The following CCSER1 variants were observed in gnomAD, a reference collection of about 807,000 sequenced individuals.
CCSER1 encodes serine-rich coiled-coil domain-containing protein 1.
Under a neutral mutation model 82.0 loss-of-function variants are expected in CCSER1, and 41 were observed. That is an observed-to-expected ratio of 0.50 (90% CI 0.39 to 0.65). CCSER1 has a LOEUF of 0.65. Among genes scored for constraint, CCSER1 ranks in the 30% least tolerant of loss-of-function variants. CCSER1 has a pLI of 0.00. For missense variants in CCSER1, 1,119 were observed against 1,064.2 expected, an observed-to-expected ratio of 1.05 and a Z score of -0.72; for synonymous variants, 414 against 383.9, an observed-to-expected ratio of 1.08 and a Z score of -0.92.
chr4:90,128,317 G>A (rs1722177555), intron 1 of CCSER1, among the ~76,000 whole-genome samples: 1 of 152,076 alleles, frequency 6.6e-6, no homozygotes, highest in Admixed American at 6.5e-5. Flanking sequence ...GGGAGCCAGG[G>A]GCTCCCGGAG....
chr4:90,866,496 T>C (rs980420633), intron 8 of CCSER1, among the ~76,000 whole-genome samples: 9 of 152,064 alleles, frequency 5.9e-5, no homozygotes, highest in Non-Finnish European at 1.2e-4. Context: ...AAACTAATTA[T>C]TGATCTTCTT....
At chr4:91,002,951 T>C (rs1267599316) in intron 9 of CCSER1, among the ~76,000 whole-genome samples, 1 of 152,182 alleles carries the variant, frequency 6.6e-6, no homozygotes, top group African/African-American at 2.4e-5. Flanking sequence ...TCCCTTGATG[T>C]AGTACTCTCT....
rs190445322 is a variant in CCSER1, at chr4:90,521,766, G to A, written c.1724+53412G>A. ...ACTTATTTTCTTTATGTTTTCTCCT[G>A]CAAGTAGGATTTTTCTTTTCACATA... On this transcript the variant is annotated intron_variant, in intron 5 of 10. Coordinates refer to ENST00000509176, the MANE Select transcript of CCSER1 (RefSeq NM_001145065.2). Among the ~76,000 whole-genome samples the A allele has an allele frequency of 9.1e-4, 138 of 151,888 alleles. 1 individual carries two copies. In the East Asian group the frequency reaches 0.014, roughly 16 times the overall value.
At chr4:90,346,256 G>A (rs1417461824) in intron 3 of CCSER1, among the ~76,000 whole-genome samples, 2 of 152,018 alleles carry the variant, frequency 1.3e-5, no homozygotes, top group Non-Finnish European at 2.9e-5. Flanking sequence ...TAGGCAAAAT[G>A]TGATCAAAAC....
intron 8 of CCSER1, among the ~76,000 whole-genome samples, chr4:90,841,923 G>A (rs1762622401): frequency 6.6e-6 from 1 of 152,054 alleles, no homozygotes; most frequent in South Asian, 2.1e-4. Context: ...TGAGAATTTG[G>A]GCATGACTCA....
intron 10 of CCSER1, among the ~76,000 whole-genome samples, chr4:91,297,377 G>GTGTA (rs1242009199): frequency 6.8e-5 from 7 of 103,516 alleles, no homozygotes; most frequent in African/African-American, 2.9e-4. Context: ...GTGTGTGTGT[G>GTGTA]TGTGTGTATG....
chr4:91,538,710 T>TATATATATAATATATATATATATATAA (rs1560747576), intron 10 of CCSER1, among the ~76,000 whole-genome samples: 4 of 28,342 alleles, frequency 1.4e-4, no homozygotes, highest in African/African-American at 1.1e-3. Context: ...TATATATATA[T>TATATATATAATATATATATATATATAA]AATATCTCAG....
intron 8 of CCSER1, among the ~76,000 whole-genome samples, chr4:90,854,267 A>G (rs1764209461): frequency 6.6e-6 from 1 of 152,200 alleles, no homozygotes; most frequent in Non-Finnish European, 1.5e-5. Flanking sequence ...AAGGTAAACC[A>G]GTTTGGCTGG....
At chr4:91,293,125 CA>C (rs373997411) in intron 10 of CCSER1, among the ~76,000 whole-genome samples, 38 of 151,666 alleles carry the variant, frequency 2.5e-4, no homozygotes, top group African/African-American at 8.4e-4. Context: ...AATCTGGAGA[CA>C]AAAAAAATGC....
At chr4:90,534,588 A>G (rs1037858859) in intron 5 of CCSER1, among the ~76,000 whole-genome samples, 3 of 152,196 alleles carry the variant, frequency 2.0e-5, no homozygotes, top group Admixed American at 1.3e-4. Flanking sequence ...TAAAGCAAAT[A>G]TTAAATATTT....
At chr4:91,408,532 C>G (rs945958940) in intron 10 of CCSER1, among the ~76,000 whole-genome samples, 7 of 152,150 alleles carry the variant, frequency 4.6e-5, no homozygotes, top group African/African-American at 1.7e-4. Flanking sequence ...AATCCTCAGA[C>G]TGAAAATTCA....
chr4:91,218,487 G>C (rs548707875), intron 10 of CCSER1, among the ~76,000 whole-genome samples: 101 of 152,354 alleles, frequency 6.6e-4, no homozygotes, highest in African/African-American at 2.4e-3. Flanking sequence ...GGGAGGTGCC[G>C]AGAGCAAGTG....
chr4:90,589,935 G>A (rs910027190), intron 5 of CCSER1, among the ~76,000 whole-genome samples: 15 of 152,046 alleles, frequency 9.9e-5, no homozygotes, highest in African/African-American at 3.4e-4. Context: ...TTACAAAGTG[G>A]CCAGATTGTA....
intron 5 of CCSER1, among the ~76,000 whole-genome samples, chr4:90,486,568 C>G (rs895713940): frequency 6.6e-6 from 1 of 152,156 alleles, no homozygotes; most frequent in African/African-American, 2.4e-5. Flanking sequence ...CATGTCTGGT[C>G]TAAAACTTCA....
chr4:90,995,012 T>C (rs969980055), intron 9 of CCSER1, among the ~76,000 whole-genome samples: 5 of 152,194 alleles, frequency 3.3e-5, no homozygotes, highest in Non-Finnish European at 7.3e-5. Context: ...GCATCTGACA[T>C]GCTTTCCATT....
chr4:90,937,953 TA>T (rs895039752), intron 9 of CCSER1, among the ~76,000 whole-genome samples: 6 of 152,154 alleles, frequency 3.9e-5, no homozygotes, highest in African/African-American at 1.4e-4. Flanking sequence ...ACCATCTTTG[TA>T]GTATGGCTCA....
intron 5 of CCSER1, among the ~76,000 whole-genome samples, chr4:90,531,625 G>A (rs1774545568): frequency 6.6e-6 from 1 of 152,072 alleles, no homozygotes; most frequent in Admixed American, 6.6e-5. Context: ...TTCGGAGTCA[G>A]GATAGTCAGG....
At chr4:91,490,888 A>ATATATATATG (rs2110068851) in intron 10 of CCSER1, among the ~76,000 whole-genome samples, 1 of 40,704 alleles carries the variant, frequency 2.5e-5, no homozygotes, top group East Asian at 8.3e-4. Context: ...ATATATATAT[A>ATATATATATG]TATATATATA....
At chr4:90,645,867 T>A (rs912371083) in intron 6 of CCSER1, among the ~76,000 whole-genome samples, 8 of 152,206 alleles carry the variant, frequency 5.3e-5, no homozygotes, top group Non-Finnish European at 1.0e-4. Flanking sequence ...GAAATATCCT[T>A]GCTAGGGCTG....
Sources: gnomAD v4.1 joint callset for allele counts (sites outside exome capture counted in the v4.1 genomes callset) on GRCh38, gnomAD v4.1.1 for gene constraint, MANE v1.5 for transcripts, NCBI Gene and HGNC (gene_info 2026-07-23, HGNC 2026-07-21) for gene names.